Variants in ARNT2 observed in about 807,000 individuals in gnomAD.
ARNT2 encodes the protein aryl hydrocarbon receptor nuclear translocator 2, also known as ARNT protein 2.
Under a neutral mutation model 91.7 loss-of-function variants are expected in ARNT2, and 36 were observed. The ratio of observed to expected loss-of-function variants is 0.39; its 90% confidence interval spans 0.30 to 0.52. ARNT2 has a LOEUF of 0.52. Among genes scored for constraint, ARNT2 ranks in the 20% least tolerant of loss-of-function variants. ARNT2 has a pLI of 0.72. For synonymous variants in ARNT2, 365 were observed against 347.1 expected, an observed-to-expected ratio of 1.05 and a Z score of -0.57; for missense variants, 775 against 939.3, an observed-to-expected ratio of 0.83 and a Z score of 2.29.
At chr15:80,521,810 C>T (rs541084789) in intron 8 of ARNT2, among the ~76,000 whole-genome samples, 2 of 152,104 alleles carry the variant, frequency 1.3e-5, no homozygotes, top group Non-Finnish European at 2.9e-5. Flanking sequence ...ATTGCCTCCG[C>T]TGGGTAATGG....
chr15:80,463,209 C>T (rs1358392074), intron 3 of ARNT2, among the ~76,000 whole-genome samples: 1 of 152,194 alleles, frequency 6.6e-6, no homozygotes, highest in African/African-American at 2.4e-5. Context: ...GCAAGGAGTG[C>T]CCCTTTTTTT....
chr15:80,454,987 G>T (rs1896460646), intron 2 of ARNT2, among the ~76,000 whole-genome samples: 1 of 152,128 alleles, frequency 6.6e-6, no homozygotes, highest in African/African-American at 2.4e-5. Context: ...GGACTTAAAA[G>T]TCATATTTTG....
intron 5 of ARNT2, among the ~76,000 whole-genome samples, chr15:80,476,785 A>G (rs1352255896): frequency 6.6e-6 from 1 of 152,234 alleles, no homozygotes; most frequent in Non-Finnish European, 1.5e-5. Flanking sequence ...TTGGGCTGCT[A>G]TAACAAAATA....
intron 1 of ARNT2, among the ~76,000 whole-genome samples, chr15:80,407,068 A>G (rs1304397384): frequency 2.6e-5 from 4 of 152,156 alleles, no homozygotes; most frequent in Non-Finnish European, 5.9e-5. Context: ...GACTTCTTTG[A>G]ATTCCTTTTT....
intron 1 of ARNT2, among the ~76,000 whole-genome samples, chr15:80,431,086 A>G (rs1342338706): frequency 1.3e-5 from 2 of 152,174 alleles, no homozygotes; most frequent in Admixed American, 1.3e-4. Context: ...GACACCGCTC[A>G]GGTACTTACA....
chr15:80,521,294 A>G (rs1595996466), intron 8 of ARNT2, among the ~76,000 whole-genome samples: 1 of 152,242 alleles, frequency 6.6e-6, no homozygotes, highest in East Asian at 1.9e-4. Context: ...GCAGCAAGTT[A>G]CACTTTTTTT....
intron 8 of ARNT2, among the ~76,000 whole-genome samples, chr15:80,531,030 G>A (rs568624194): frequency 6.6e-6 from 1 of 152,024 alleles, no homozygotes; most frequent in East Asian, 1.9e-4. Context: ...AGCTTTTTTT[G>A]CCCAAAACTT....
At chr15:80,442,934 C>T in intron 1 of ARNT2, 1 of 985,454 alleles carries the variant, frequency 1.0e-6, no homozygotes, top group Non-Finnish European at 1.2e-6. Context: ...TCTCTTTCCT[C>T]TGGCGTGCCC....
chr15:80,561,032 C>T (rs1405182656), intron 11 of ARNT2, among the ~76,000 whole-genome samples: 2 of 152,206 alleles, frequency 1.3e-5, no homozygotes, highest in Non-Finnish European at 2.9e-5. Flanking sequence ...CATTGAGTCC[C>T]TGCGGGAAGT....
At chr15:80,556,263 G>C (rs1363892147) in intron 11 of ARNT2, 1 of 152,334 alleles carries the variant, frequency 6.6e-6, no homozygotes, top group South Asian at 2.1e-4. Flanking sequence ...CAGCCTGGGC[G>C]ACGAGCAAGA....
intron 1 of ARNT2, among the ~76,000 whole-genome samples, chr15:80,447,682 C>G (rs1896326363): frequency 1.3e-5 from 2 of 152,176 alleles, no homozygotes; most frequent in Admixed American, 1.3e-4. Flanking sequence ...CCAGGGAAGG[C>G]TGACAGCTGA....
chr15:80,576,951 C>T lies in ARNT2; in HGVS notation c.1599C>T (p.Ser533=), dbSNP rs781293278. 8.7e-6 allele frequency: 14 copies of T among 1,613,900 alleles called. 1 individual carries two copies. The highest frequency in any genetic ancestry group is 4.0e-5 in the African/African-American group (3 of 74,924). The change falls in exon 15 of 19, where the codon TCC becomes TCT. Residue 533 remains serine (S), a synonymous_variant. Coordinates refer to ENST00000303329, the MANE Select transcript of ARNT2 (RefSeq NM_014862.4). ...GAAGCCCATTTCCCTCTGGACACTC[C>T]GGGAAGGCCTTCAGGTATGTGCCAG... ...SQGSPFPSGH[S]GKAFSSSVVH...
chr15:80,520,432 A>G (rs530774524), intron 8 of ARNT2, among the ~76,000 whole-genome samples: 44 of 152,336 alleles, frequency 2.9e-4, no homozygotes, highest in Non-Finnish European at 5.6e-4. Context: ...TGTGTATTGA[A>G]GAAGGTAGTT....
At chr15:80,469,247 A>C (rs1205053307) in intron 3 of ARNT2, among the ~76,000 whole-genome samples, 1 of 152,084 alleles carries the variant, frequency 6.6e-6, no homozygotes, top group African/African-American at 2.4e-5. Flanking sequence ...CTAGTTTTTT[A>C]TCATAACACA....
chr15:80,554,233 A>G lies in ARNT2; in HGVS notation c.1090-832A>G, dbSNP rs1241535307. Among the ~76,000 whole-genome samples the G allele has an allele frequency of 2.0e-5, 3 of 152,138 alleles. No homozygotes were observed. In the East Asian group the frequency reaches 5.8e-4, roughly 29 times the overall value. On this transcript the variant is annotated intron_variant, in intron 10 of 18. Transcript: ENST00000303329. Reference sequence around the variant, plus strand: ...AGACCAGCCTGACCAACATGGTGAAACCCTGTCTCTACTGAAAATACAAAA... The same window carrying G: ...AGACCAGCCTGACCAACATGGTGAAGCCCTGTCTCTACTGAAAATACAAAA...
chr15:80,487,096 G>A (rs757576210), intron 5 of ARNT2, among the ~76,000 whole-genome samples: 7 of 152,184 alleles, frequency 4.6e-5, no homozygotes, highest in Admixed American at 1.3e-4. Context: ...GAATTCAGTC[G>A]CCGTGCAGAC....
chr15:80,406,356 C>T (rs113475745), intron 1 of ARNT2, among the ~76,000 whole-genome samples: 9 of 152,268 alleles, frequency 5.9e-5, no homozygotes, highest in African/African-American at 2.2e-4. Context: ...TGCCAGTTTG[C>T]CTGTGACTGA....
Position 80,421,577 on chromosome 15 carries a change from G to T in ARNT2, c.31+17031G>T, listed in dbSNP as rs193216457. ...CTAGTTTTGAAACAATGCACCGAATGACATTGTATAGGTTATATGAATTGT... is the reference window on the plus strand; with the variant it reads ...CTAGTTTTGAAACAATGCACCGAATTACATTGTATAGGTTATATGAATTGT... On this transcript the variant is annotated intron_variant, in intron 1 of 18. Transcript: ENST00000303329. 9.2e-5 allele frequency among the ~76,000 whole-genome samples: 14 copies of T among 152,290 alleles called. No individual in the cohort carries two copies. The East Asian group carries it at 2.7e-3, about 29-fold the overall frequency.
chr15:80,440,854 C>T (rs182975675), intron 1 of ARNT2, among the ~76,000 whole-genome samples: 52 of 152,318 alleles, frequency 3.4e-4, no homozygotes, highest in African/African-American at 1.1e-3. Context: ...GAGGATCTCA[C>T]GGCTGGTTAA....
Sources: gnomAD v4.1 joint callset for allele counts (sites outside exome capture counted in the v4.1 genomes callset) on GRCh38, gnomAD v4.1.1 for gene constraint, MANE v1.5 for transcripts, NCBI Gene and HGNC (gene_info 2026-07-23, HGNC 2026-07-21) for gene names.